The following MED12L variants were observed in gnomAD, a reference collection of about 807,000 sequenced individuals.
The protein encoded by MED12L is mediator complex subunit 12L, also known as mediator of RNA polymerase II transcription subunit 12-like protein.
A neutral mutation model predicts 281.3 loss-of-function variants in MED12L; 60 were observed. That is an observed-to-expected ratio of 0.21 (90% CI 0.17 to 0.26). The LOEUF is 0.26. MED12L is among the 10% of genes least tolerant of loss of function. MED12L has a pLI of 1.00. For synonymous variants in MED12L, 974 were observed against 987.2 expected, an observed-to-expected ratio of 0.99 and a Z score of 0.25; for missense variants, 2,146 against 2,680.9, an observed-to-expected ratio of 0.80 and a Z score of 4.41.
chr3:151,130,499 TC>T (rs1715219793), intron 5 of MED12L, among the ~76,000 whole-genome samples: 1 of 152,256 alleles, frequency 6.6e-6, no homozygotes, highest in South Asian at 2.1e-4. Context: ...TCCTCTAATG[TC>T]AGCTTTCCAC....
chr3:151,119,129 G>C (rs930313274), intron 3 of MED12L, among the ~76,000 whole-genome samples: 2 of 152,142 alleles, frequency 1.3e-5, no homozygotes, highest in African/African-American at 4.8e-5. Flanking sequence ...TGCTGTAATT[G>C]ACTGAAACCT....
intron 16 of MED12L, among the ~76,000 whole-genome samples, chr3:151,317,921 T>C (rs1219993201): frequency 6.6e-6 from 1 of 152,142 alleles, no homozygotes; most frequent in Non-Finnish European, 1.5e-5. Flanking sequence ...AGGTGAAAAC[T>C]TTTTTGGAGT....
intron 16 of MED12L, chr3:151,295,394 C>T (rs1276338798): frequency 5.2e-6 from 3 of 579,146 alleles, no homozygotes; most frequent in Non-Finnish European, 9.2e-6. Flanking sequence ...GTGACCTTCT[C>T]TCACTACCCT....
intron 16 of MED12L, chr3:151,338,832 T>C (rs1751399254): frequency 3.1e-6 from 5 of 1,613,538 alleles, no homozygotes; most frequent in African/African-American, 1.3e-5. Flanking sequence ...GGTGAGGTTG[T>C]CGACGGCTTG....
intron 39 of MED12L, among the ~76,000 whole-genome samples, chr3:151,398,470 A>G (rs1715262171): frequency 6.6e-6 from 1 of 152,188 alleles, no homozygotes; most frequent in Admixed American, 6.5e-5. Context: ...CAGTCATGGA[A>G]TATTCTGTCA....
At chr3:151,123,773 A>G (rs936468512) in intron 4 of MED12L, among the ~76,000 whole-genome samples, 3 of 152,152 alleles carry the variant, frequency 2.0e-5, no homozygotes, top group Non-Finnish European at 4.4e-5. Context: ...AGCTTGGTAC[A>G]GGCCCAGTTT....
chr3:151,381,453 G>T (rs1410240544), intron 32 of MED12L, among the ~76,000 whole-genome samples: 1 of 152,136 alleles, frequency 6.6e-6, no homozygotes, highest in African/African-American at 2.4e-5. Flanking sequence ...ACCAGTCATG[G>T]CCCTCTTTCC....
chr3:151,372,439 C>A, intron 26 of MED12L, 128 bp from the exon 27 acceptor site: 1 of 671,012 alleles, frequency 1.5e-6, no homozygotes, highest in Non-Finnish European at 2.6e-6. Context: ...TATTCCTGAA[C>A]AACTGGCTAT....
At chr3:151,244,410 AAACT>A (rs1422998013) in intron 16 of MED12L, among the ~76,000 whole-genome samples, 1 of 136,728 alleles carries the variant, frequency 7.3e-6, no homozygotes, top group Non-Finnish European at 1.6e-5. Flanking sequence ...AAATTATAAC[AAACT>A]ATCTCTCAGA....
At chr3:151,188,769 T>C (rs1165492619) in intron 13 of MED12L, among the ~76,000 whole-genome samples, 1 of 152,202 alleles carries the variant, frequency 6.6e-6, no homozygotes, top group East Asian at 1.9e-4. Flanking sequence ...TGATTTGGAA[T>C]TTTCTCTTTT....
chr3:151,113,892 A>G (rs976878280), intron 2 of MED12L, among the ~76,000 whole-genome samples: 1 of 152,212 alleles, frequency 6.6e-6, no homozygotes, highest in African/African-American at 2.4e-5. Flanking sequence ...AAGCAATACT[A>G]AACTATCTGG....
At chr3:151,313,586 C>T (rs1277318191) in intron 16 of MED12L, among the ~76,000 whole-genome samples, 2 of 151,984 alleles carry the variant, frequency 1.3e-5, no homozygotes, top group East Asian at 3.9e-4. Flanking sequence ...TGGCTCACAC[C>T]TGTAATCCCA....
chr3:151,192,190 A>G (rs1288594754), intron 14 of MED12L, among the ~76,000 whole-genome samples: 2 of 152,152 alleles, frequency 1.3e-5, no homozygotes, highest in Non-Finnish European at 2.9e-5. Flanking sequence ...TATTCTATAG[A>G]TATTAAAGTG....
chr3:151,435,984 G>A lies in MED12L; in HGVS notation c.*3180G>A, dbSNP rs1349834308. 1 of 152,152 alleles carries A rather than the reference G, an allele frequency of 6.6e-6. No homozygotes were observed. Among genetic ancestry groups the A allele is most frequent in the Non-Finnish European group, 1.5e-5 (1 of 68,036 alleles). The allele number at this position is 152,152 out of a possible 1,614,324, so 9.4% of individuals were successfully genotyped here. A position where few individuals can be genotyped will look rare whatever the true frequency, so the allele number is the denominator to read the frequency against. On this transcript the variant is annotated 3_prime_UTR_variant, in exon 45 of 45. Coordinates refer to ENST00000687756, the MANE Select transcript of MED12L (RefSeq NM_001393769.1). ...AGCTAGATTTTAAAGTTATAAAGAA[G>A]TTTCATTGTATTTTTAAAACCTTTT...
At chr3:151,176,671 A>T (rs1722091722) in intron 11 of MED12L, among the ~76,000 whole-genome samples, 2 of 152,142 alleles carry the variant, frequency 1.3e-5, no homozygotes, top group Admixed American at 1.3e-4. Flanking sequence ...AACTGTAGTG[A>T]CACATTGCCA....
chr3:151,188,372 G>C lies in MED12L; in HGVS notation c.1645G>C (p.Val549Leu). ...IEAERCGESE[V>L]LDEKESISSS... ...TCTGTAGAGATGTGGTGAATCAGAA[G>C]TCTTAGATGAGAAGGAGTCTATTTC... The change falls in exon 13 of 45, where the codon GTC becomes CTC. Residue 549 changes from valine to leucine, a missense_variant. By Grantham distance (32) the Val-to-Leu change is conservative (BLOSUM62 1). This residue lies in a region of MED12L where 722 missense variants were observed against 861.2 expected (regional missense o/e 0.84). Coordinates refer to ENST00000687756, the MANE Select transcript of MED12L (RefSeq NM_001393769.1). The C allele has an allele frequency of 6.2e-7, 1 of 1,606,308 alleles. No homozygotes were observed.
Position 151,436,060 on chromosome 3 carries a change from G to A in MED12L, c.*3256G>A, listed in dbSNP as rs896291057. 4 of 152,100 alleles carry A rather than the reference G, an allele frequency of 2.6e-5. No individual in the cohort carries two copies. Among genetic ancestry groups the A allele is most frequent in the Non-Finnish European group, 5.9e-5 (4 of 68,028 alleles). 9.4% of individuals were successfully genotyped at this position (152,100 alleles called of 1,614,324 possible). A position where few individuals can be genotyped will look rare whatever the true frequency, so the allele number is the denominator to read the frequency against. On this transcript the variant is annotated 3_prime_UTR_variant, in exon 45 of 45. Coordinates refer to ENST00000687756, the MANE Select transcript of MED12L (RefSeq NM_001393769.1). ...ACCCCCTTTTCACATTTTATGATGT[G>A]CAGGTATTACATTGCTTTTTACATG...
At chr3:151,181,147 T>C (rs1576904066) in intron 11 of MED12L, among the ~76,000 whole-genome samples, 1 of 152,152 alleles carries the variant, frequency 6.6e-6, no homozygotes, top group East Asian at 1.9e-4. Context: ...ATATTTGGAA[T>C]CAGCATCTAA....
At chr3:151,322,397 A>G (rs978747970) in intron 16 of MED12L, among the ~76,000 whole-genome samples, 1 of 151,688 alleles carries the variant, frequency 6.6e-6, no homozygotes, top group Non-Finnish European at 1.5e-5. Context: ...CGGTTTTACC[A>G]TGTTGTCCAG....
Sources: allele counts gnomAD v4.1 joint callset (sites outside exome capture counted in the v4.1 genomes callset), GRCh38; gene constraint gnomAD v4.1.1; regional missense constraint gnomAD v4.1.1; transcripts MANE v1.5; gene names NCBI Gene and HGNC (gene_info 2026-07-23, HGNC 2026-07-21).